NEDD4: variants seen among roughly 807,000 people sequenced by gnomAD.
NEDD4 encodes the protein NEDD4 E3 ubiquitin protein ligase, also known as E3 ubiquitin-protein ligase NEDD4.
A neutral mutation model predicts 144.9 loss-of-function variants in NEDD4; 99 were observed. The observed-to-expected ratio is 0.68, with a 90% CI of 0.58 to 0.81. The LOEUF (loss-of-function observed/expected upper bound fraction) is 0.81, where lower values mean the gene tolerates loss of function less well. Ranked by LOEUF, NEDD4 falls within the 30% of genes least tolerant of loss-of-function variation. The probability of loss-of-function intolerance (pLI) is 0.00; values close to 1 mark genes in which losing one functional copy is unlikely to be tolerated. For synonymous variants in NEDD4, 318 were observed against 350.6 expected, an observed-to-expected ratio of 0.91 and a Z score of 1.04; for missense variants, 985 against 1,065.9, an observed-to-expected ratio of 0.92 and a Z score of 1.06.
chr15:55,903,978 G>A (rs62043815), intron 5 of NEDD4, among the ~76,000 whole-genome samples: 13,323 of 151,708 alleles, frequency 0.088, 653 homozygotes, highest in Middle Eastern at 0.15. Flanking sequence ...TGGCCAACAC[G>A]GTGAAACCCC....
At chr15:55,932,414 G>T (rs7181820) in intron 4 of NEDD4, among the ~76,000 whole-genome samples, 1 of 152,122 alleles carries the variant, frequency 6.6e-6, no homozygotes, top group Non-Finnish European at 1.5e-5. Context: ...AACAAGAAAC[G>T]GGGAAAGGAT....
intron 5 of NEDD4, chr15:55,905,101 AAAAAAG>A: frequency 3.1e-6 from 1 of 324,282 alleles, no homozygotes; most frequent in Non-Finnish European, 6.0e-6. Context: ...TCAAAAAAAA[AAAAAAG>A]AAAAGAAAAG....
intron 7 of NEDD4, among the ~76,000 whole-genome samples, chr15:55,870,331 A>T (rs1042202750): frequency 1.1e-4 from 16 of 152,156 alleles, no homozygotes; most frequent in African/African-American, 3.9e-4. Flanking sequence ...TCAGTGTCTG[A>T]AACCTGCTAC....
At chr15:55,948,061 T>G (rs2037157907) in intron 4 of NEDD4, among the ~76,000 whole-genome samples, 1 of 152,328 alleles carries the variant, frequency 6.6e-6, no homozygotes, top group East Asian at 1.9e-4. Flanking sequence ...CCCCACCGTC[T>G]CAGCCCAAAA....
Position 55,944,081 on chromosome 15 carries a change from C to T in NEDD4, c.237+7295G>A, listed in dbSNP as rs187974062. On this transcript the variant is annotated intron_variant, in intron 4 of 28. Coordinates refer to ENST00000435532, the MANE Select transcript of NEDD4 (RefSeq NM_006154.4). ...CTCCCGGTATGATTGACGCAGAAGACGGGTGATTTCTACATTTCCACCTGA... is the reference window on the plus strand; with the variant it reads ...CTCCCGGTATGATTGACGCAGAAGATGGGTGATTTCTACATTTCCACCTGA... 1.5e-4 allele frequency among the ~76,000 whole-genome samples: 23 copies of T among 152,324 alleles called. No homozygotes were observed. The East Asian group carries it at 2.5e-3, about 17-fold the overall frequency.
rs1436244610 is a variant in NEDD4, at chr15:55,988,091, T to C, written c.45+5420A>G. The C allele has an allele frequency of 6.1e-5, 9 of 148,704 alleles. No individual in the cohort carries two copies. In the East Asian group the frequency reaches 1.8e-3, roughly 30 times the overall value. The allele number at this position is 148,704 out of a possible 1,614,324, so 9.2% of individuals were successfully genotyped here. The stretch of plus-strand genomic sequence containing the variant: ...AACCAACCCAAATGTCCAACAATGA[T>C]AGACTGGATTAAGAAAATGTGGCAC... On this transcript the variant is annotated intron_variant, in intron 1 of 28. Transcript: ENST00000435532.
At chr15:55,980,801 T>C (rs1171280492) in intron 1 of NEDD4, among the ~76,000 whole-genome samples, 1 of 152,066 alleles carries the variant, frequency 6.6e-6, no homozygotes, top group African/African-American at 2.4e-5. Flanking sequence ...GGGGTGTGTG[T>C]GTGTGTGTGT....
intron 4 of NEDD4, among the ~76,000 whole-genome samples, chr15:55,936,795 CTT>C (rs762982574): frequency 2.8e-5 from 4 of 141,434 alleles, no homozygotes; most frequent in Admixed American, 7.0e-5. Flanking sequence ...TATTTCTTTT[CTT>C]TTTTTTTTTT....
intron 11 of NEDD4, among the ~76,000 whole-genome samples, chr15:55,857,309 G>A (rs768020075): frequency 2.9e-4 from 44 of 152,104 alleles, no homozygotes; most frequent in Non-Finnish European, 5.3e-4. Flanking sequence ...TGGTAAGATA[G>A]AAGGTTTAAT....
intron 27 of NEDD4, among the ~76,000 whole-genome samples, chr15:55,832,042 A>G (rs949294453): frequency 3.9e-5 from 6 of 152,206 alleles, no homozygotes; most frequent in African/African-American, 1.4e-4. Flanking sequence ...AAATAATTTG[A>G]TAGAATACAT....
rs141782645 is a variant in NEDD4 at position 55,924,880 on chromosome 15, C to T, written c.238-181G>A. 1.4e-3 allele frequency among the ~76,000 whole-genome samples: 207 copies of T among 152,182 alleles called. 1 individual carries two copies. Among genetic ancestry groups the T allele is most frequent in the African/African-American group, 4.9e-3 (203 of 41,522 alleles). On this transcript the variant is annotated intron_variant, in intron 4 of 28. Transcript: ENST00000435532. ...GTCAGGAGTTCGAGACGAGCCTGGC[C>T]AACATGGTGAAACCTCGTCTCTACT...
At chr15:55,916,920 A>G in intron 5 of NEDD4, 1 of 1,505,852 alleles carries the variant, frequency 6.6e-7, no homozygotes, top group South Asian at 1.4e-5. Context: ...CACTGCATCA[A>G]AAGAAAAAAT....
chr15:55,891,274 A>G (rs1159412332), intron 5 of NEDD4, among the ~76,000 whole-genome samples: 1 of 152,238 alleles, frequency 6.6e-6, no homozygotes, highest in South Asian at 2.1e-4. Context: ...AAAATTTTCC[A>G]AACTAAAAGT....
chr15:55,924,819 G>A (rs1378801183), intron 4 of NEDD4, 120 bp from the exon 5 acceptor site: 5 of 961,270 alleles, frequency 5.2e-6, no homozygotes, highest in East Asian at 2.7e-5. Context: ...TGTAATCCCA[G>A]CACTTTGGGA....
chr15:55,910,526 T>C (rs1276285736), intron 5 of NEDD4, among the ~76,000 whole-genome samples: 6 of 152,116 alleles, frequency 3.9e-5, no homozygotes, highest in Non-Finnish European at 8.8e-5. Context: ...CCAAAGTTGG[T>C]GGTCCCCAAA....
intron 5 of NEDD4, chr15:55,905,092 CAAA>C (rs59917604): frequency 7.9e-4 from 194 of 244,958 alleles, no homozygotes; most frequent in Middle Eastern, 3.1e-3. Flanking sequence ...AATTCCGTCT[CAAA>C]AAAAAAAAAA....
intron 11 of NEDD4, among the ~76,000 whole-genome samples, chr15:55,858,232 C>CT (rs1334667464): frequency 8.6e-5 from 13 of 152,020 alleles, no homozygotes; most frequent in Non-Finnish European, 2.9e-5. Flanking sequence ...CCATGTATTA[C>CT]TTTAAGTAAA....
At chr15:55,833,935 G>T (rs2033075341) in intron 26 of NEDD4, 103 bp downstream of exon 26, 2 of 822,486 alleles carry the variant, frequency 2.4e-6, no homozygotes, top group Non-Finnish European at 3.9e-6. Context: ...ATATTTTTCT[G>T]TATCAGTTAA....
chr15:55,890,937 T>A (rs2035551852), intron 5 of NEDD4, among the ~76,000 whole-genome samples: 1 of 152,148 alleles, frequency 6.6e-6, no homozygotes, highest in South Asian at 2.1e-4. Context: ...TTTCCTAAAA[T>A]CTCTTACAAT....
Sources: allele counts gnomAD v4.1 joint callset (sites outside exome capture counted in the v4.1 genomes callset), GRCh38; gene constraint gnomAD v4.1.1; transcripts MANE v1.5; gene names NCBI Gene and HGNC (gene_info 2026-07-23, HGNC 2026-07-21).